OSGEPL1: variants seen among roughly 807,000 people sequenced by gnomAD.
OSGEPL1 encodes tRNA N6-adenosine threonylcarbamoyltransferase, mitochondrial.
Under a neutral mutation model 37.2 loss-of-function variants are expected in OSGEPL1, and 26 were observed. That is an observed-to-expected ratio of 0.70 (90% CI 0.51 to 0.97). The LOEUF is 0.97. Among genes scored for constraint, OSGEPL1 ranks in the 50% least tolerant of loss-of-function variants. The probability of loss-of-function intolerance (pLI) is 0.00; values close to 1 mark genes in which losing one functional copy is unlikely to be tolerated. For synonymous variants in OSGEPL1, 140 were observed against 159.9 expected (o/e 0.88, Z 0.94); for missense variants, 404 against 487.0 (o/e 0.83, Z 1.60).
Position 189,752,514 on chromosome 2 carries a change from T to A in OSGEPL1, c.1166+139A>T, listed in dbSNP as rs2045427206. 2.0e-5 allele frequency: 15 copies of A among 768,946 alleles called. No homozygotes were observed. In the South Asian group the frequency reaches 2.7e-4, roughly 14 times the overall value. 47.6% of individuals were successfully genotyped at this position (768,946 alleles called of 1,614,324 possible). Reference sequence around the variant, plus strand: ...TTTCTCATATGGTATCAACCTTAACTAGGTTCATGAAAGAAATTTATGTAA... The same window carrying A: ...TTTCTCATATGGTATCAACCTTAACAAGGTTCATGAAAGAAATTTATGTAA... On this transcript the variant is annotated intron_variant, in intron 7 of 8. Coordinates refer to ENST00000264151, the MANE Select transcript of OSGEPL1 (RefSeq NM_022353.3).
chr2:189,761,655 T>C lies in OSGEPL1; in HGVS notation c.-15A>G. The C allele has an allele frequency of 1.3e-6, 2 of 1,531,654 alleles. No individual in the cohort carries two copies. Among genetic ancestry groups the C allele is most frequent in the Non-Finnish European group, 8.7e-7 (1 of 1,144,934 alleles). 94.9% of individuals were successfully genotyped at this position (1,531,654 alleles called of 1,614,324 possible). A position where few individuals can be genotyped will look rare whatever the true frequency, so the allele number is the denominator to read the frequency against. On this transcript the variant is annotated 5_prime_UTR_variant, in exon 2 of 9. Transcript: ENST00000264151. The stretch of plus-strand genomic sequence containing the variant: ...AAGATTAGCATACTTACTCTATAGA[T>C]AATTCCTGAAAAAGAATTACAGAAA...
upstream of OSGEPL1, chr2:189,762,836 TC>T (rs1182152788): frequency 1.0e-6 from 1 of 985,320 alleles, no homozygotes; most frequent in African/African-American, 1.7e-5. Flanking sequence ...TGGCTGCTGT[TC>T]CGCTAGCGAG....
chr2:189,752,836 T>G lies in OSGEPL1; in HGVS notation c.1094+13A>C, dbSNP rs775384078. 2.2e-5 allele frequency: 36 copies of G among 1,613,544 alleles called. No homozygotes were observed. The highest frequency in any genetic ancestry group is 3.1e-5 in the Non-Finnish European group (36 of 1,179,730). ...CATAGTTATGAGTGAAGCACGTATATCCTGTGGCTTACCATGCAATCATAA... is the reference window on the plus strand; with the variant it reads ...CATAGTTATGAGTGAAGCACGTATAGCCTGTGGCTTACCATGCAATCATAA... On this transcript the variant is annotated intron_variant, in intron 6 of 8. Transcript: ENST00000264151.
upstream of OSGEPL1, chr2:189,762,872 T>G (rs2047334423): frequency 3.0e-6 from 3 of 985,396 alleles, no homozygotes; most frequent in South Asian, 1.4e-4. Context: ...AAGAAAAGCT[T>G]AAAGGCCGTC....
chr2:189,749,603 C>T (rs2044784537), intron 8 of OSGEPL1, among the ~76,000 whole-genome samples: 2 of 151,878 alleles, frequency 1.3e-5, no homozygotes, highest in Non-Finnish European at 2.9e-5. Flanking sequence ...TACAATTTCT[C>T]AAATAACTGA....
At chr2:189,761,759 A>G in intron 1 of OSGEPL1, 99 bp from the exon 2 acceptor site, 1 of 1,252,666 alleles carries the variant, frequency 8.0e-7, no homozygotes, top group Non-Finnish European at 1.1e-6. Flanking sequence ...AAGTTTGTAA[A>G]AGTCACCAAA....
intron 2 of OSGEPL1, among the ~76,000 whole-genome samples, chr2:189,756,640 T>A (rs1347409555): frequency 6.6e-6 from 1 of 152,208 alleles, no homozygotes; most frequent in Admixed American, 6.5e-5. Context: ...CTCATCTTTG[T>A]TAGTGGCATC....
chr2:189,751,241 A>G (rs564629528), intron 7 of OSGEPL1, among the ~76,000 whole-genome samples: 1 of 152,236 alleles, frequency 6.6e-6, no homozygotes, highest in South Asian at 2.1e-4. Context: ...CTGAATCCCA[A>G]CCTGGAAAAA....
chr2:189,761,446 T>C lies in OSGEPL1; in HGVS notation c.195A>G (p.Ile65Met), dbSNP rs768770869. ...TTAAATGAACTTCAGTTTGGGAATG[T>C]ATTGCTTCTCCCAACACATTTCCAG... ...DETGNVLGEAIHSQTEVHLKT... is the reference protein window; with the variant it reads ...DETGNVLGEAMHSQTEVHLKT... Residue 65 changes from isoleucine (I) to methionine (M), a missense_variant, in exon 2 of 9, where the codon ATA becomes ATG. Transcript: ENST00000264151. 2 of 1,608,986 alleles carry C rather than the reference T, an allele frequency of 1.2e-6. No individual in the cohort carries two copies. Among genetic ancestry groups the C allele is most frequent in the Admixed American group, 3.4e-5 (2 of 58,874 alleles).
chr2:189,762,748 C>T lies in OSGEPL1; in HGVS notation c.-84G>A. ...TCCCTACTAAAGACTGTCGACTGCC[C>T]TTATCGCTGCAGGAGAAAGCCCGAA... On this transcript the variant is annotated 5_prime_UTR_variant, in exon 1 of 9. Coordinates refer to ENST00000264151, the MANE Select transcript of OSGEPL1 (RefSeq NM_022353.3). 2.0e-6 allele frequency: 2 copies of T among 985,512 alleles called. No homozygotes were observed. Among genetic ancestry groups the T allele is most frequent in the Non-Finnish European group, 2.4e-6 (2 of 830,020 alleles). 61.0% of individuals were successfully genotyped at this position (985,512 alleles called of 1,614,324 possible).
rs1389583159 is a variant in OSGEPL1, at chr2:189,762,693, TG to T, written c.-30del. ...TGAGCAATTTCACCCACCTTCCACT[TG>T]GGCGGCAGTAGCTAGCACTTGTCTC... On this transcript the variant is annotated 5_prime_UTR_variant, in exon 1 of 9. Coordinates refer to ENST00000264151, the MANE Select transcript of OSGEPL1 (RefSeq NM_022353.3). 1 of 985,226 alleles carries T rather than the reference TG, an allele frequency of 1.0e-6. No homozygotes were observed. Among genetic ancestry groups the T allele is most frequent in the Non-Finnish European group, 1.2e-6 (1 of 829,942 alleles). 61.0% of individuals were successfully genotyped at this position (985,226 alleles called of 1,614,324 possible).
chr2:189,746,699 T>C lies in OSGEPL1; in HGVS notation c.*498A>G, dbSNP rs2044210691. 2 of 1,398,876 alleles carry C rather than the reference T, an allele frequency of 1.4e-6. No individual in the cohort carries two copies. Among genetic ancestry groups the C allele is most frequent in the East Asian group, 2.5e-5 (1 of 39,932 alleles). 86.7% of individuals were successfully genotyped at this position (1,398,876 alleles called of 1,614,324 possible). A position where few individuals can be genotyped will look rare whatever the true frequency, so the allele number is the denominator to read the frequency against. ...TTTTTTATTTTTAATAATGGTAATA[T>C]GCAAATAACATAACTGAATAATCTT... On this transcript the variant is annotated 3_prime_UTR_variant, in exon 9 of 9. Transcript: ENST00000264151.
At chr2:189,757,267 A>G (rs1000081282) in intron 2 of OSGEPL1, among the ~76,000 whole-genome samples, 5 of 152,204 alleles carry the variant, frequency 3.3e-5, no homozygotes, top group African/African-American at 7.2e-5. Context: ...TTTACTATGA[A>G]TGGATGACTG....
At chr2:189,760,897 G>A (rs1315142446) in intron 2 of OSGEPL1, among the ~76,000 whole-genome samples, 1 of 152,168 alleles carries the variant, frequency 6.6e-6, no homozygotes, top group Admixed American at 6.5e-5. Context: ...CTAGAGCTGA[G>A]TAGTGACCTC....
chr2:189,753,810 C>G, intron 5 of OSGEPL1, 106 bp downstream of exon 5: 1 of 1,191,386 alleles, frequency 8.4e-7, no homozygotes, highest in South Asian at 1.5e-5. Flanking sequence ...TCAGGGCTAG[C>G]ATAAGGCATA....
At chr2:189,750,769 C>G in intron 7 of OSGEPL1, 113 bp from the exon 8 acceptor site, 1 of 716,518 alleles carries the variant, frequency 1.4e-6, no homozygotes, top group Non-Finnish European at 2.2e-6. Flanking sequence ...TTTAATTCAT[C>G]ATATGTGGTG....
intron 8 of OSGEPL1, among the ~76,000 whole-genome samples, chr2:189,748,967 C>T (rs1282467833): frequency 2.0e-5 from 3 of 152,112 alleles, no homozygotes; most frequent in Non-Finnish European, 4.4e-5. Context: ...TTTTTATTGG[C>T]TGGGCATGAT....
At chr2:189,753,845 G>A in intron 5 of OSGEPL1, 71 bp downstream of exon 5, 1 of 1,506,800 alleles carries the variant, frequency 6.6e-7, no homozygotes, top group Non-Finnish European at 9.0e-7. Context: ...CTAAACACAA[G>A]GTCAAGGTCT....
At chr2:189,753,797 C>T (rs2045654754) in intron 5 of OSGEPL1, 119 bp downstream of exon 5, 1 of 1,076,242 alleles carries the variant, frequency 9.3e-7, no homozygotes, top group Non-Finnish European at 1.3e-6. Context: ...TAATTTCATA[C>T]TGTCAGGGCT....
Sources: allele counts gnomAD v4.1 joint callset (sites outside exome capture counted in the v4.1 genomes callset), GRCh38; gene constraint gnomAD v4.1.1; transcripts MANE v1.5; gene names NCBI Gene and HGNC (gene_info 2026-07-23, HGNC 2026-07-21).